The following MTBP variants were observed in gnomAD, a reference collection of about 807,000 sequenced individuals.
MTBP encodes the protein mdm2-binding protein.
Under a neutral mutation model 117.0 loss-of-function variants are expected in MTBP, and 101 were observed. That is an observed-to-expected ratio of 0.86 (90% CI 0.73 to 1.02). The LOEUF (loss-of-function observed/expected upper bound fraction) is 1.02. Among genes scored for constraint, MTBP ranks in the 50% least tolerant of loss-of-function variants. The pLI is 0.00. For synonymous variants in MTBP, 350 were observed against 351.5 expected (o/e 1.00, Z 0.05); for missense variants, 970 against 1,030.9 (o/e 0.94, Z 0.81).
At chr8:120,462,361 C>T (rs184776208) in intron 9 of MTBP, among the ~76,000 whole-genome samples, 3 of 152,132 alleles carry the variant, frequency 2.0e-5, no homozygotes, top group South Asian at 2.1e-4. Flanking sequence ...TTATTACATG[C>T]GGAGAAAGTG....
At chr8:120,466,803 G>T (rs1039183556) in intron 10 of MTBP, among the ~76,000 whole-genome samples, 1 of 152,112 alleles carries the variant, frequency 6.6e-6, no homozygotes, top group African/African-American at 2.4e-5. Context: ...GTACCCAGGA[G>T]GTGGAGGTTG....
rs368779489 is a variant in MTBP, at chr8:120,499,690, CTTA to C, written c.1609+2139_1609+2141del. Among the ~76,000 whole-genome samples, 775 of 152,242 alleles carry C rather than the reference CTTA, an allele frequency of 5.1e-3. 10 individuals carry two copies. Among genetic ancestry groups the C allele is most frequent in the African/African-American group, 0.018 (734 of 41,540 alleles). ...ATAATTAATAAAGTTATTTAATCTG[CTTA>C]TTTTTTGGTAAAAACTCTAGCATGT... On this transcript the variant is annotated intron_variant, in intron 14 of 21. Transcript: ENST00000305949.
intron 11 of MTBP, among the ~76,000 whole-genome samples, chr8:120,478,901 A>C (rs1814007795): frequency 6.6e-6 from 1 of 152,184 alleles, no homozygotes; most frequent in Non-Finnish European, 1.5e-5. Context: ...ATGGACTACT[A>C]TGCAGCCATA....
chr8:120,480,532 C>T (rs1016905208), intron 11 of MTBP, among the ~76,000 whole-genome samples: 1 of 152,168 alleles, frequency 6.6e-6, no homozygotes, highest in African/African-American at 2.4e-5. Flanking sequence ...GCTACCTGAT[C>T]TCATGACTTA....
chr8:120,503,078 AG>A, intron 15 of MTBP, among the ~76,000 whole-genome samples: 1 of 152,352 alleles, frequency 6.6e-6, no homozygotes, highest in East Asian at 1.9e-4. Flanking sequence ...TTCAGTACAT[AG>A]TAGGCCCTTA....
intron 14 of MTBP, among the ~76,000 whole-genome samples, chr8:120,497,868 A>G (rs1380443502): frequency 6.6e-6 from 1 of 152,202 alleles, no homozygotes; most frequent in Non-Finnish European, 1.5e-5. Context: ...GTGAATTTCT[A>G]TTAAGCTACA....
In MTBP at chr8:120,499,872, T is replaced by C. The variant is rs188172747; in HGVS notation, c.1609+2318T>C. ...TAACTGTCTCCTTTGCATGGGCCCATTGGACACATCAACACACTGCATAAG... is the reference window on the plus strand; with the variant it reads ...TAACTGTCTCCTTTGCATGGGCCCACTGGACACATCAACACACTGCATAAG... On this transcript the variant is annotated intron_variant, in intron 14 of 21. Transcript: ENST00000305949. 3.3e-5 allele frequency among the ~76,000 whole-genome samples: 5 copies of C among 152,290 alleles called. No individual in the cohort carries two copies. The East Asian group carries it at 5.8e-4, about 18-fold the overall frequency.
chr8:120,466,301 T>A (rs1298502154), intron 10 of MTBP, among the ~76,000 whole-genome samples: 1 of 149,216 alleles, frequency 6.7e-6, no homozygotes, highest in East Asian at 2.0e-4. Flanking sequence ...AACCTCCGTC[T>A]CCCGGGTTCA....
At chr8:120,484,973 A>G (rs1022263241) in intron 11 of MTBP, among the ~76,000 whole-genome samples, 7 of 152,192 alleles carry the variant, frequency 4.6e-5, no homozygotes, top group Non-Finnish European at 8.8e-5. Context: ...CATGCTGTAC[A>G]TGCTGTAGCA....
chr8:120,493,185 A>G (rs1563799355), intron 13 of MTBP, among the ~76,000 whole-genome samples: 2 of 152,314 alleles, frequency 1.3e-5, no homozygotes, highest in East Asian at 1.9e-4. Context: ...TAGCTTTCTT[A>G]GGAAAATAGC....
chr8:120,477,991 T>G (rs990420107), intron 11 of MTBP, among the ~76,000 whole-genome samples: 6 of 152,150 alleles, frequency 3.9e-5, no homozygotes, highest in Admixed American at 1.3e-4. Context: ...TAGCAAAGAC[T>G]TGGAACCAAC....
intron 17 of MTBP, 39 bp downstream of exon 17, chr8:120,510,068 T>C (rs761290298): frequency 7.6e-7 from 1 of 1,317,964 alleles, no homozygotes; most frequent in Non-Finnish European, 1.1e-6. Context: ...TGTATGTTGT[T>C]GATACAGCCT....
chr8:120,514,321 C>A (rs978457803), intron 17 of MTBP, among the ~76,000 whole-genome samples: 2 of 151,874 alleles, frequency 1.3e-5, no homozygotes, highest in Admixed American at 6.6e-5. Context: ...TTTATTCATC[C>A]TACATAACTC....
chr8:120,511,996 AT>A (rs1203902726), intron 17 of MTBP, among the ~76,000 whole-genome samples: 5 of 152,134 alleles, frequency 3.3e-5, no homozygotes, highest in Non-Finnish European at 7.4e-5. Flanking sequence ...ATATATACAC[AT>A]TTAAACTTCT....
At chr8:120,507,998 T>C (rs11784372) in intron 16 of MTBP, among the ~76,000 whole-genome samples, 6,514 of 152,260 alleles carry the variant, frequency 0.043, 200 homozygotes, top group Middle Eastern at 0.071. Context: ...AATGTCTTTC[T>C]AGATGCATTG....
chr8:120,477,357 G>A (rs577505415), intron 11 of MTBP, among the ~76,000 whole-genome samples: 26 of 152,120 alleles, frequency 1.7e-4, no homozygotes, highest in African/African-American at 6.3e-4. Context: ...GACTTCATGA[G>A]TAAAACACTA....
chr8:120,509,767 C>G (rs1332710215), intron 16 of MTBP, among the ~76,000 whole-genome samples, 167 bp from the exon 17 acceptor site: 1 of 152,152 alleles, frequency 6.6e-6, no homozygotes, highest in Non-Finnish European at 1.5e-5. Context: ...CAAGGCCTAA[C>G]CTTGCTTCAT....
intron 11 of MTBP, among the ~76,000 whole-genome samples, chr8:120,476,248 A>C (rs1042032418): frequency 6.6e-6 from 1 of 152,150 alleles, no homozygotes; most frequent in African/African-American, 2.4e-5. Flanking sequence ...TATTGATGGA[A>C]CATATCTCAA....
chr8:120,485,845 C>T (rs1348775024), intron 11 of MTBP, among the ~76,000 whole-genome samples: 1 of 152,160 alleles, frequency 6.6e-6, no homozygotes, highest in African/African-American at 2.4e-5. Context: ...GTCTGTTTGA[C>T]TTCGGTGTCA....
Sources: gnomAD v4.1 joint callset for allele counts (sites outside exome capture counted in the v4.1 genomes callset) on GRCh38, gnomAD v4.1.1 for gene constraint, MANE v1.5 for transcripts, NCBI Gene and HGNC (gene_info 2026-07-23, HGNC 2026-07-21) for gene names.